CNTNAP2: variants seen among roughly 807,000 people sequenced by gnomAD.
The protein encoded by CNTNAP2 is contactin associated protein 2, also known as contactin-associated protein-like 2.
CNTNAP2 carries 98 observed loss-of-function variants against 155.2 expected under a neutral mutation model. The observed-to-expected ratio is 0.63, with a 90% CI of 0.54 to 0.75. The LOEUF is 0.75. CNTNAP2 is among the 30% of genes least tolerant of loss of function. The pLI is 0.00. For synonymous variants in CNTNAP2, 651 were observed against 631.2 expected (o/e 1.03, Z -0.47); for missense variants, 1,727 against 1,688.1 (o/e 1.02, Z -0.40).
At chr7:148,304,254 TTTA>T (rs1469721569) in intron 21 of CNTNAP2, among the ~76,000 whole-genome samples, 1 of 140,072 alleles carries the variant, frequency 7.1e-6, no homozygotes, top group Non-Finnish European at 1.6e-5. Flanking sequence ...GTGCTTTGTT[TTTA>T]TACTTTGTTA....
At chr7:147,036,629 T>C (rs1480662056) in intron 3 of CNTNAP2, among the ~76,000 whole-genome samples, 1 of 152,162 alleles carries the variant, frequency 6.6e-6, no homozygotes, top group Non-Finnish European at 1.5e-5. Context: ...GAACATGAAA[T>C]TCACAAGTTG....
rs183979838 is a variant in CNTNAP2 at position 147,939,566 on chromosome 7, A to G, written c.2255+35845A>G. Among the ~76,000 whole-genome samples the G allele has an allele frequency of 1.6e-3, 241 of 152,146 alleles. 1 individual carries two copies. The highest frequency in any genetic ancestry group is 5.2e-3 in the African/African-American group (214 of 41,508). On this transcript the variant is annotated intron_variant, in intron 14 of 23. Coordinates refer to ENST00000361727, the MANE Select transcript of CNTNAP2 (RefSeq NM_014141.6). Reference sequence around the variant, plus strand: ...CTGGTCTCGAATTCCTGACCTTGTGACCCACCCATCTCTGCCTCCCAAAGT... The same window carrying G: ...CTGGTCTCGAATTCCTGACCTTGTGGCCCACCCATCTCTGCCTCCCAAAGT...
chr7:147,699,395 G>A (rs146868830), intron 13 of CNTNAP2, among the ~76,000 whole-genome samples: 2,499 of 151,936 alleles, frequency 0.016, 223 homozygotes, highest in Admixed American at 0.15. Flanking sequence ...GTGGGAGTTG[G>A]ACAATGAGAA....
intron 10 of CNTNAP2, among the ~76,000 whole-genome samples, chr7:147,415,305 G>C (rs1797173957): frequency 6.6e-6 from 1 of 152,154 alleles, no homozygotes; most frequent in African/African-American, 2.4e-5. Context: ...ATCAGTTCAA[G>C]CTAGTCCAAT....
intron 9 of CNTNAP2, among the ~76,000 whole-genome samples, chr7:147,355,893 C>G (rs989240778): frequency 6.6e-6 from 1 of 152,050 alleles, no homozygotes; most frequent in Non-Finnish European, 1.5e-5. Context: ...TGAAACTATC[C>G]TGAACAATGG....
intron 3 of CNTNAP2, among the ~76,000 whole-genome samples, chr7:146,906,686 A>G (rs1165838129): frequency 6.6e-6 from 1 of 152,132 alleles, no homozygotes; most frequent in Non-Finnish European, 1.5e-5. Flanking sequence ...AGTAGATAAA[A>G]CCACAAAGAT....
intron 1 of CNTNAP2, among the ~76,000 whole-genome samples, chr7:146,691,280 T>C (rs960042650): frequency 6.6e-6 from 1 of 151,638 alleles, no homozygotes; most frequent in Non-Finnish European, 1.5e-5. Flanking sequence ...CATGTAAAGA[T>C]GCTCCTCGAT....
intron 3 of CNTNAP2, among the ~76,000 whole-genome samples, chr7:146,945,990 A>G (rs1797162111): frequency 1.3e-5 from 2 of 152,134 alleles, no homozygotes; most frequent in South Asian, 4.1e-4. Flanking sequence ...GAAGAGGGAA[A>G]GGTGGGGCCA....
At chr7:148,303,828 C>T (rs924784559) in intron 21 of CNTNAP2, among the ~76,000 whole-genome samples, 3 of 152,170 alleles carry the variant, frequency 2.0e-5, no homozygotes, top group Non-Finnish European at 4.4e-5. Flanking sequence ...AGCCCACTTC[C>T]AGATTAATTA....
In CNTNAP2 at chr7:147,038,235, A is replaced by G. The variant is rs1279238477; in HGVS notation, c.403-5672A>G. On this transcript the variant is annotated intron_variant, in intron 3 of 23. Coordinates refer to ENST00000361727, the MANE Select transcript of CNTNAP2 (RefSeq NM_014141.6). ...GAGAATCCTGAAGAAAATATATAGC[A>G]TGCATTTTTCCATAAGTAAAGCAAA... is the stretch of plus-strand genomic sequence containing the variant. 2.0e-5 allele frequency among the ~76,000 whole-genome samples: 3 copies of G among 152,202 alleles called. No individual in the cohort carries two copies. The East Asian group carries it at 5.8e-4, about 29-fold the overall frequency.
intron 10 of CNTNAP2, among the ~76,000 whole-genome samples, chr7:147,429,952 G>C (rs1253215940): frequency 2.6e-5 from 4 of 152,100 alleles, no homozygotes; most frequent in Middle Eastern, 6.8e-3. Flanking sequence ...TTGCTGTTTT[G>C]GTAACTATAG....
intron 21 of CNTNAP2, among the ~76,000 whole-genome samples, chr7:148,303,827 C>T (rs1258327158): frequency 2.0e-5 from 3 of 152,126 alleles, no homozygotes; most frequent in Non-Finnish European, 4.4e-5. Flanking sequence ...CAGCCCACTT[C>T]CAGATTAATT....
intron 8 of CNTNAP2, among the ~76,000 whole-genome samples, chr7:147,182,132 A>AG (rs1206999551): frequency 2.0e-5 from 3 of 150,866 alleles, no homozygotes. Context: ...TCTCAAAAAA[A>AG]AAAAAAAAAA....
intron 13 of CNTNAP2, among the ~76,000 whole-genome samples, chr7:147,899,682 C>T (rs144742829): frequency 3.3e-5 from 5 of 152,032 alleles, no homozygotes; most frequent in Admixed American, 2.0e-4. Context: ...GTCAGGAGTT[C>T]GAGACCAGCC....
At chr7:148,183,221 C>T (rs564469406) in intron 18 of CNTNAP2, among the ~76,000 whole-genome samples, 3 of 152,292 alleles carry the variant, frequency 2.0e-5, no homozygotes, top group East Asian at 1.9e-4. Context: ...GAGTGAGAGA[C>T]CCCCATGGAT....
intron 3 of CNTNAP2, among the ~76,000 whole-genome samples, chr7:147,021,094 G>A (rs895319192): frequency 2.0e-5 from 3 of 152,104 alleles, no homozygotes; most frequent in Non-Finnish European, 4.4e-5. Flanking sequence ...GTCCCAGAAC[G>A]AGCTTGTCCA....
chr7:146,905,304 C>T (rs1458527433), intron 3 of CNTNAP2, among the ~76,000 whole-genome samples: 2 of 151,928 alleles, frequency 1.3e-5, no homozygotes, highest in East Asian at 1.9e-4. Context: ...CTTCACCTAC[C>T]ACACCTTTCT....
At chr7:146,958,495 G>A (rs1441470068) in intron 3 of CNTNAP2, among the ~76,000 whole-genome samples, 4 of 134,096 alleles carry the variant, frequency 3.0e-5, no homozygotes, top group Admixed American at 8.4e-5. Flanking sequence ...CTCACTGCAA[G>A]CTCTGCCTCC....
intron 18 of CNTNAP2, chr7:148,189,746 A>T (rs1004918079): frequency 7.2e-5 from 11 of 152,216 alleles, no homozygotes; most frequent in African/African-American, 2.7e-4. Context: ...GCTATAGCGG[A>T]CTGCCATAGC....
Sources: gnomAD v4.1 joint callset for allele counts (sites outside exome capture counted in the v4.1 genomes callset) on GRCh38, gnomAD v4.1.1 for gene constraint, MANE v1.5 for transcripts, NCBI Gene and HGNC (gene_info 2026-07-23, HGNC 2026-07-21) for gene names.